Variants in CRADD observed in about 807,000 individuals in gnomAD.
The protein encoded by CRADD is CARD and death domain containing adaptor protein.
In CRADD, 9 loss-of-function variants were observed where a neutral mutation model predicts 15.5. The observed-to-expected ratio is 0.58, with a 90% confidence interval of 0.35 to 1.01. The LOEUF is 1.01. Ranked by LOEUF, CRADD falls within the 50% of genes least tolerant of loss-of-function variation. The pLI is 0.02. For synonymous variants in CRADD, 118 were observed against 107.6 expected (o/e 1.10, Z -0.60); for missense variants, 227 against 250.3 (o/e 0.91, Z 0.63).
chr12:93,891,734 G>A (rs1410983731), intron 2 of CRADD, among the ~76,000 whole-genome samples: 1 of 152,126 alleles, frequency 6.6e-6, no homozygotes, highest in Non-Finnish European at 1.5e-5. Context: ...TTGGAGAACA[G>A]GCTGAGGTTC....
chr12:93,841,839 T>C (rs34576197), intron 2 of CRADD, among the ~76,000 whole-genome samples: 27,115 of 152,104 alleles, frequency 0.18, 2,875 homozygotes, highest in Non-Finnish European at 0.24. Context: ...AGCTTTTTTT[T>C]CTAGTCCCGC....
intron 2 of CRADD, among the ~76,000 whole-genome samples, chr12:93,760,411 G>T (rs566944195): frequency 1.2e-3 from 184 of 152,126 alleles, no homozygotes; most frequent in Non-Finnish European, 1.9e-3. Context: ...TTTTATCCAG[G>T]CATGTTTTAT....
At chr12:93,778,723 GT>G (rs199532871) in intron 2 of CRADD, among the ~76,000 whole-genome samples, 2,175 of 130,276 alleles carry the variant, frequency 0.017, 42 homozygotes, top group African/African-American at 0.051. Flanking sequence ...TTTTTGGTTG[GT>G]TTTTTTTTTT....
chr12:93,743,029 A>G (rs1956700452), intron 2 of CRADD, among the ~76,000 whole-genome samples: 1 of 152,210 alleles, frequency 6.6e-6, no homozygotes. Context: ...AGTATTATGC[A>G]TATTTCTGTT....
intron 2 of CRADD, chr12:93,737,645 G>A (rs1018294107): frequency 2.0e-5 from 3 of 152,204 alleles, no homozygotes; most frequent in African/African-American, 7.2e-5. Context: ...GGAGCAGAGA[G>A]AGTTTCCAGA....
intron 2 of CRADD, among the ~76,000 whole-genome samples, chr12:93,713,172 C>T (rs1370413726): frequency 6.6e-6 from 1 of 152,062 alleles, no homozygotes; most frequent in Non-Finnish European, 1.5e-5. Context: ...TTCTCCTTCC[C>T]ACCACTTCAA....
At chr12:93,743,481 G>A (rs1310749892) in intron 2 of CRADD, among the ~76,000 whole-genome samples, 4 of 152,084 alleles carry the variant, frequency 2.6e-5, no homozygotes, top group Admixed American at 2.0e-4. Flanking sequence ...ACAGGCCCTC[G>A]TCACCGTCTG....
intron 2 of CRADD, among the ~76,000 whole-genome samples, chr12:93,872,055 A>G (rs567161645): frequency 6.6e-5 from 10 of 152,154 alleles, no homozygotes; most frequent in Non-Finnish European, 1.5e-4. Context: ...CCTTTTCTCT[A>G]CATACTGGCC....
intron 2 of CRADD, among the ~76,000 whole-genome samples, chr12:93,835,754 A>G (rs1009720752): frequency 7.2e-5 from 11 of 151,982 alleles, no homozygotes; most frequent in African/African-American, 2.4e-4. Flanking sequence ...GTTTTGGCCC[A>G]TTTTCTTCCA....
chr12:93,882,737 C>T (rs1367936568), intron 2 of CRADD, among the ~76,000 whole-genome samples: 1 of 152,194 alleles, frequency 6.6e-6, no homozygotes, highest in Non-Finnish European at 1.5e-5. Context: ...CTTCTGAAGA[C>T]AGCGTTGTCT....
At chr12:93,746,379 C>T (rs879777526) in intron 2 of CRADD, among the ~76,000 whole-genome samples, 4 of 152,198 alleles carry the variant, frequency 2.6e-5, no homozygotes, top group Admixed American at 6.5e-5. Context: ...CTCTTTTCCT[C>T]GGTCCACATT....
chr12:93,757,621 T>C (rs965057467), intron 2 of CRADD, among the ~76,000 whole-genome samples: 2 of 152,212 alleles, frequency 1.3e-5, no homozygotes, highest in African/African-American at 4.8e-5. Context: ...AGAGTAGCAG[T>C]ATATCACTGC....
chr12:93,846,581 AACACACACACACACACACACAC>A (rs746253043), intron 2 of CRADD: 1 of 136,704 alleles, frequency 7.3e-6, no homozygotes, highest in African/African-American at 2.8e-5. Context: ...TTAAAACCAG[AACACACACACACACACACACAC>A]ACACACACAC....
At chr12:93,741,136 C>T (rs926464117) in intron 2 of CRADD, among the ~76,000 whole-genome samples, 2 of 152,154 alleles carry the variant, frequency 1.3e-5, no homozygotes, top group African/African-American at 2.4e-5. Context: ...GTCATTAGAA[C>T]AGAAATATTT....
chr12:93,680,167 G>A (rs1455403519), intron 2 of CRADD, among the ~76,000 whole-genome samples: 3 of 151,994 alleles, frequency 2.0e-5, no homozygotes, highest in Non-Finnish European at 4.4e-5. Flanking sequence ...AGATAGAGGG[G>A]CAGAGAACTG....
chr12:93,782,354 AG>A (rs1957220528), intron 2 of CRADD, among the ~76,000 whole-genome samples: 1 of 67,998 alleles, frequency 1.5e-5, no homozygotes, highest in South Asian at 5.1e-4. Flanking sequence ...GGGTTGGGGG[AG>A]GGGGGAGGGA....
chr12:93,840,164 T>C (rs1298606424), intron 2 of CRADD, among the ~76,000 whole-genome samples: 3 of 152,232 alleles, frequency 2.0e-5, no homozygotes, highest in African/African-American at 7.2e-5. Flanking sequence ...ACAATAGGAA[T>C]TGGCATCTTT....
intron 2 of CRADD, among the ~76,000 whole-genome samples, chr12:93,842,474 G>A (rs546262915): frequency 6.6e-6 from 1 of 152,250 alleles, no homozygotes; most frequent in East Asian, 1.9e-4. Context: ...ATCAGCTCCT[G>A]GAAAGGTGTA....
chr12:93,815,357 C>T (rs1005660219), intron 2 of CRADD: 2 of 152,162 alleles, frequency 1.3e-5, no homozygotes, highest in Non-Finnish European at 2.9e-5. Context: ...AAGCAACACA[C>T]CTATATCTGT....
Sources: allele counts gnomAD v4.1 joint callset (sites outside exome capture counted in the v4.1 genomes callset), GRCh38; gene constraint gnomAD v4.1.1; transcripts MANE v1.5; gene names NCBI Gene and HGNC (gene_info 2026-07-23, HGNC 2026-07-21).